TTC38: variants seen among roughly 807,000 people sequenced by gnomAD.
TTC38 encodes tetratricopeptide repeat domain 38, also known as tetratricopeptide repeat protein 38.
In TTC38, 64 loss-of-function variants were observed where a neutral mutation model predicts 64.2. That is an observed-to-expected ratio of 1.00 (90% CI 0.81 to 1.23). The LOEUF is 1.23. Ranked by LOEUF, TTC38 falls within the 50% of genes most tolerant of loss-of-function variation. The pLI is 0.00. For synonymous variants in TTC38, 254 were observed against 249.3 expected (o/e 1.02, Z -0.18); for missense variants, 573 against 615.5 (o/e 0.93, Z 0.73).
chr22:46,289,254 T>G, intron 11 of TTC38, 148 bp from the exon 12 acceptor site: 1 of 1,036,850 alleles, frequency 9.6e-7, no homozygotes. Context: ...GTCCCCTCGA[T>G]GGGCTGCCCC....
intron 2 of TTC38, chr22:46,268,801 C>T: frequency 2.0e-6 from 1 of 511,996 alleles, no homozygotes; most frequent in Non-Finnish European, 3.5e-6. Context: ...TCTCGTCCCT[C>T]AGCCTCCCGA....
intron 13 of TTC38, 74 bp downstream of exon 13, chr22:46,289,973 G>A: frequency 7.4e-7 from 1 of 1,352,674 alleles, no homozygotes; most frequent in South Asian, 1.2e-5. Context: ...GTGCCTGGAA[G>A]CCCCACCACC....
Position 46,278,306 on chromosome 22 carries a change from C to T in TTC38, c.540-280C>T, listed in dbSNP as rs558596089. On this transcript the variant is annotated intron_variant, in intron 5 of 13. Coordinates refer to ENST00000381031, the MANE Select transcript of TTC38 (RefSeq NM_017931.4). ...CAGAGTTCCTTGAAGTCCCTTGGCT[C>T]GCAGCTGTATCACTCTGCCTTGGTC... Among the ~76,000 whole-genome samples the T allele has an allele frequency of 2.2e-4, 34 of 152,230 alleles. 1 individual carries two copies. The highest frequency in any genetic ancestry group is 7.7e-4 in the African/African-American group (32 of 41,538).
chr22:46,270,991 G>A lies in TTC38; in HGVS notation c.112-1344G>A, dbSNP rs929128002. Among the ~76,000 whole-genome samples, 1 of 151,776 alleles carries A rather than the reference G, an allele frequency of 6.6e-6. No homozygotes were observed. The highest frequency in any genetic ancestry group is 2.4e-5 in the African/African-American group (1 of 41,086). ...CGTGCCATTGCACTCCAGCCTGGGT[G>A]ACAGGGCAAGATTCTGTCTCAATTA... is the stretch of plus-strand genomic sequence containing the variant. On this transcript the variant is annotated intron_variant, in intron 2 of 13. Transcript: ENST00000381031. This position sits in a 1 kb window ranked among gnomAD's most constrained non-coding sequence, Gnocchi z 4.7.
Position 46,268,603 on chromosome 22 carries a change from G to C in TTC38, c.111+12G>C. 6.2e-7 allele frequency: 1 copy of C among 1,613,442 alleles called. No individual in the cohort carries two copies. The highest frequency in any genetic ancestry group is 8.5e-7 in the Non-Finnish European group (1 of 1,179,848). On this transcript the variant is annotated intron_variant, in intron 2 of 13. Transcript: ENST00000381031. ...CCACGCTGACCCAGGTATGCCTGCC[G>C]AGAGAGGCCGCGGCCCCTTCTGTGG...
At chr22:46,278,764 A>G in intron 6 of TTC38, 103 bp downstream of exon 6, 1 of 929,638 alleles carries the variant, frequency 1.1e-6, no homozygotes, top group Non-Finnish European at 1.8e-6. Context: ...GGCGAACCCC[A>G]TCCCTGGTCT....
chr22:46,281,003 G>C lies in TTC38; in HGVS notation c.616-596G>C, dbSNP rs1452963875. 6.6e-6 allele frequency among the ~76,000 whole-genome samples: 1 copy of C among 152,210 alleles called. No homozygotes were observed. The highest frequency in any genetic ancestry group is 1.5e-5 in the Non-Finnish European group (1 of 68,040). On this transcript the variant is annotated intron_variant, in intron 6 of 13. Coordinates refer to ENST00000381031, the MANE Select transcript of TTC38 (RefSeq NM_017931.4). This position sits in a 1 kb window ranked among gnomAD's most constrained non-coding sequence, Gnocchi z 5.2. ...TCATTCCATGAGTCCTGCCTGCCTC[G>C]CTGGTCGCTGTCAAGCTCACAGGTC...
Position 46,272,908 on chromosome 22 carries a change from G to A in TTC38, c.193+492G>A, listed in dbSNP as rs754611716. Among the ~76,000 whole-genome samples, 112 of 152,204 alleles carry A rather than the reference G, an allele frequency of 7.4e-4. No individual in the cohort carries two copies. The highest frequency in any genetic ancestry group is 1.5e-3 in the Non-Finnish European group (103 of 68,036). ...AGGCTGGCATCCAGGCAAGCCATGTGTACAGCGGGCATGGGGAAGCCAGCA... is the reference window on the plus strand; with the variant it reads ...AGGCTGGCATCCAGGCAAGCCATGTATACAGCGGGCATGGGGAAGCCAGCA... On this transcript the variant is annotated intron_variant, in intron 3 of 13. Coordinates refer to ENST00000381031, the MANE Select transcript of TTC38 (RefSeq NM_017931.4). The surrounding 1 kb of genome is among the most constrained non-coding windows in gnomAD (Gnocchi z 6.4).
At chr22:46,290,674 G>A (rs1329271690) in intron 13 of TTC38, among the ~76,000 whole-genome samples, 1 of 151,360 alleles carries the variant, frequency 6.6e-6, no homozygotes, top group Non-Finnish European at 1.5e-5. Context: ...TGAGTGTTAG[G>A]AGGGTGGTGT....
intron 6 of TTC38, chr22:46,280,039 C>T (rs1160340960): frequency 2.2e-6 from 1 of 446,782 alleles, no homozygotes; most frequent in Admixed American, 2.5e-5. Context: ...TCCATTGCTC[C>T]CCTTTCGCCT....
Position 46,272,508 on chromosome 22 carries a change from A to G in TTC38, c.193+92A>G. On this transcript the variant is annotated intron_variant, in intron 3 of 13. Transcript: ENST00000381031. This position sits in a 1 kb window ranked among gnomAD's most constrained non-coding sequence, Gnocchi z 6.4. The stretch of plus-strand genomic sequence containing the variant: ...CACAGGGACACAGTTGGGATGGGGA[A>G]GGCAGGTTGGGTGGCAGCAACCAGG... 8.7e-7 allele frequency: 1 copy of G among 1,151,238 alleles called. No homozygotes were observed. Among genetic ancestry groups the G allele is most frequent in the Non-Finnish European group, 1.3e-6 (1 of 777,978 alleles). The allele number at this position is 1,151,238 out of a possible 1,614,324, so 71.3% of individuals were successfully genotyped here.
intron 12 of TTC38, 28 bp downstream of exon 12, chr22:46,289,589 C>A (rs763894672): frequency 5.1e-6 from 8 of 1,557,910 alleles, no homozygotes; most frequent in Non-Finnish European, 6.9e-6. Flanking sequence ...AGCTGGGGTG[C>A]CTAGGGCCTG....
In TTC38 at chr22:46,281,724, A is replaced by T. The variant is rs2077536827; in HGVS notation, c.735+6A>T. 1.2e-6 allele frequency: 2 copies of T among 1,613,616 alleles called. No homozygotes were observed. Among genetic ancestry groups the T allele is most frequent in the East Asian group, 4.5e-5 (2 of 44,874 alleles). ...ACTCAGAGACCTTCTGGAAGGTATG[A>T]TGCTTGTCAATGGGTCACCTCCCTG... On this transcript the variant is annotated splice_donor_region_variant and intron_variant, in intron 7 of 13. Transcript: ENST00000381031. This position sits in a 1 kb window ranked among gnomAD's most constrained non-coding sequence, Gnocchi z 5.2.
chr22:46,277,034 CATAT>C (rs150190126), intron 5 of TTC38, among the ~76,000 whole-genome samples: 6,096 of 97,802 alleles, frequency 0.062, 278 homozygotes, highest in African/African-American at 0.17. Flanking sequence ...GTAAACAATA[CATAT>C]ATATACATAC....
In TTC38 at chr22:46,287,089, A is replaced by T; in HGVS notation, c.851A>T (p.Gln284Leu). The T allele has an allele frequency of 1.2e-6, 2 of 1,602,720 alleles. No individual in the cohort carries two copies. The change falls in exon 10 of 14, where the codon CAG (glutamine) becomes CTG (leucine). Residue 284 changes from glutamine to leucine, a missense_variant. Gln to Leu is a moderately radical substitution (Grantham distance 113). Around this residue, in one of 3 missense-constraint regions of TTC38, gnomAD observed 371 missense variants for 381.8 expected, o/e 0.97. Transcript: ENST00000381031. The stretch of plus-strand genomic sequence containing the variant: ...GTCTTCCAGATCCTTCCCAGCCTGC[A>T]GGCCAACGATGCAATGCTGGACGTG... Reference protein sequence around the residue: ...IYDTHILPSLQANDAMLDVVD... With the variant: ...IYDTHILPSLLANDAMLDVVD...
Position 46,282,075 on chromosome 22 carries a change from T to C in TTC38, c.735+357T>C. The stretch of plus-strand genomic sequence containing the variant: ...ACGCAGAGGAAGCATTAAACTCAAC[T>C]GGGCTTGGGGGGACAGTGGCTAGGG... On this transcript the variant is annotated intron_variant, in intron 7 of 13. Transcript: ENST00000381031. The surrounding 1 kb of genome is among the most constrained non-coding windows in gnomAD (Gnocchi z 4.4). The C allele has an allele frequency of 2.3e-6, 1 of 443,968 alleles. No individual in the cohort carries two copies. The highest frequency in any genetic ancestry group is 4.6e-6 in the Non-Finnish European group (1 of 215,174). The allele number at this position is 443,968 out of a possible 1,614,324, so 27.5% of individuals were successfully genotyped here.
chr22:46,289,724 A>G, intron 12 of TTC38, 102 bp from the exon 13 acceptor site: 1 of 1,475,608 alleles, frequency 6.8e-7, no homozygotes, highest in Non-Finnish European at 9.5e-7. Flanking sequence ...GTGTGGCATC[A>G]ACACCACTGT....
At chr22:46,277,040 TATACATACAC>T (rs1381492432) in intron 5 of TTC38, among the ~76,000 whole-genome samples, 36 of 75,596 alleles carry the variant, frequency 4.8e-4, no homozygotes, top group African/African-American at 1.9e-3. Flanking sequence ...AATACATATA[TATACATACAC>T]ACACACACAC....
chr22:46,278,595 AGGCATCTACTCTTTT>A lies in TTC38; in HGVS notation c.553_567del (p.Ile185_Gly189del). 2.5e-6 allele frequency: 4 copies of A among 1,614,014 alleles called. No homozygotes were observed. Among genetic ancestry groups the A allele is most frequent in the Non-Finnish European group, 3.4e-6 (4 of 1,179,916 alleles). On this transcript the variant is annotated inframe_deletion, in exon 6 of 14. Transcript: ENST00000381031. ...TTTTTTCTGTTTTTAGCTATGTGAA[AGGCATCTACTCTTTT>A]GGCTTGATGGAAACCAACTTCTACG...
Sources: gnomAD v4.1 joint callset for allele counts (sites outside exome capture counted in the v4.1 genomes callset) on GRCh38, gnomAD v4.1.1 for gene constraint, gnomAD v4.1.1 regional missense constraint, Gnocchi (gnomAD v3.1) non-coding constraint, MANE v1.5 for transcripts, NCBI Gene and HGNC (gene_info 2026-07-23, HGNC 2026-07-21) for gene names.